Variants in SLC39A14 observed in about 807,000 individuals in gnomAD.
SLC39A14 encodes the protein metal cation symporter ZIP14.
Under a neutral mutation model 45.5 loss-of-function variants are expected in SLC39A14, and 19 were observed. The ratio of observed to expected loss-of-function variants is 0.42; its 90% CI spans 0.29 to 0.61. SLC39A14 has a LOEUF of 0.61. Among genes scored for constraint, SLC39A14 ranks in the 20% least tolerant of loss-of-function variants. The pLI is 0.22. For synonymous variants in SLC39A14, 264 were observed against 251.3 expected (o/e 1.05, Z -0.48); for missense variants, 447 against 616.5 (o/e 0.73, Z 2.91).
chr8:22,401,882 G>A (rs1834891864), intron 1 of SLC39A14, among the ~76,000 whole-genome samples: 1 of 151,828 alleles, frequency 6.6e-6, no homozygotes, highest in African/African-American at 2.4e-5. Context: ...CCACATAATT[G>A]CCCTGCTTTT....
chr8:22,401,695 C>T (rs534368919), intron 1 of SLC39A14, among the ~76,000 whole-genome samples: 172 of 151,880 alleles, frequency 1.1e-3, no homozygotes, highest in Non-Finnish European at 2.1e-3. Flanking sequence ...TTGTGTGTGC[C>T]TGGCTAATTT....
At chr8:22,394,844 G>A (rs1834293939) in intron 1 of SLC39A14, among the ~76,000 whole-genome samples, 1 of 152,150 alleles carries the variant, frequency 6.6e-6, no homozygotes, top group South Asian at 2.1e-4. Context: ...TGTGTTGGCT[G>A]GGGATCATAT....
chr8:22,426,278 C>T (rs1586761993), downstream of SLC39A14, among the ~76,000 whole-genome samples: 1 of 152,130 alleles, frequency 6.6e-6, no homozygotes, highest in South Asian at 2.1e-4. Context: ...TCGCTGCAGC[C>T]TCAATCTCCT....
chr8:22,432,818 G>GTT (rs71206520), intron 8 of SLC39A14, among the ~76,000 whole-genome samples: 9 of 74,950 alleles, frequency 1.2e-4, no homozygotes, highest in Admixed American at 9.3e-4. Flanking sequence ...CGGCTATTTT[G>GTT]TTTTTTTTTT....
chr8:22,406,420 G>A (rs545608293), intron 2 of SLC39A14, among the ~76,000 whole-genome samples: 19 of 151,508 alleles, frequency 1.3e-4, no homozygotes, highest in East Asian at 5.9e-4. Context: ...GGGGCCGGGC[G>A]CGGTGGCTGA....
chr8:22,411,985 T>C lies in SLC39A14; in HGVS notation c.458-52T>C, dbSNP rs1490451046. 3.3e-6 allele frequency: 5 copies of C among 1,499,046 alleles called. No homozygotes were observed. In the African/African-American group the frequency reaches 4.2e-5, roughly 12 times the overall value. The allele number at this position is 1,499,046 out of a possible 1,614,324, so 92.9% of individuals were successfully genotyped here. A position where few individuals can be genotyped will look rare whatever the true frequency, so the allele number is the denominator to read the frequency against. The stretch of plus-strand genomic sequence containing the variant: ...ATGGTGGTTGCTGTGCAATGGGGCA[T>C]GTGCCTTCTCTCCCTGCCCTGGGTG... On this transcript the variant is annotated intron_variant, in intron 3 of 8. Transcript: ENST00000381237.
At chr8:22,411,989 CCTTCTCT>C in intron 3 of SLC39A14, 41 bp from the exon 4 acceptor site, 1 of 1,512,214 alleles carries the variant, frequency 6.6e-7, no homozygotes, top group African/African-American at 1.4e-5. Context: ...GGGGCATGTG[CCTTCTCT>C]CCCTGCCCTG....
chr8:22,404,675 A>G (rs959996018), intron 1 of SLC39A14, 21 bp from the exon 2 acceptor site: 2 of 1,598,236 alleles, frequency 1.3e-6, no homozygotes, highest in Non-Finnish European at 1.7e-6. Context: ...CCTCAGCTTC[A>G]CCTGCCTTTT....
At chr8:22,424,780 A>C (rs1836354525), downstream of SLC39A14, among the ~76,000 whole-genome samples, 1 of 152,118 alleles carries the variant, frequency 6.6e-6, no homozygotes, top group Admixed American at 6.5e-5. Flanking sequence ...TAATCCCAGC[A>C]CTTTAGGAGG....
chr8:22,386,745 T>A (rs767337666), intron 1 of SLC39A14, among the ~76,000 whole-genome samples: 2 of 152,216 alleles, frequency 1.3e-5, no homozygotes, highest in Non-Finnish European at 2.9e-5. Context: ...TCAAATTCCT[T>A]GTACTCCATC....
intron 1 of SLC39A14, among the ~76,000 whole-genome samples, chr8:22,396,940 TTTC>T (rs778545226): frequency 3.3e-5 from 5 of 152,254 alleles, no homozygotes; most frequent in South Asian, 2.1e-4. Flanking sequence ...TTAGATCTGT[TTTC>T]TTGTTTGGTT....
intron 8 of SLC39A14, among the ~76,000 whole-genome samples, chr8:22,433,351 T>C (rs1289022738): frequency 6.6e-6 from 1 of 152,046 alleles, no homozygotes; most frequent in Non-Finnish European, 1.5e-5. Context: ...TCTTGAGGTC[T>C]TTTATTTTTA....
intron 1 of SLC39A14, among the ~76,000 whole-genome samples, chr8:22,389,338 A>G (rs79887740): frequency 6.6e-6 from 1 of 152,254 alleles, no homozygotes; most frequent in African/African-American, 2.4e-5. Flanking sequence ...AAATTACCAC[A>G]CAAGACTCTG....
intron 1 of SLC39A14, among the ~76,000 whole-genome samples, chr8:22,387,412 G>C (rs1364120920): frequency 2.6e-5 from 4 of 152,178 alleles, no homozygotes; most frequent in African/African-American, 9.7e-5. Flanking sequence ...TGCTCCCTGG[G>C]GTTGGTGTTA....
intron 4 of SLC39A14, 94 bp downstream of exon 4, chr8:22,412,300 G>T: frequency 7.6e-7 from 1 of 1,317,570 alleles, no homozygotes. Flanking sequence ...GGCACCTGGA[G>T]GCCCTTTCCT....
intron 1 of SLC39A14, among the ~76,000 whole-genome samples, chr8:22,389,611 C>T (rs1036922461): frequency 1.9e-4 from 29 of 152,118 alleles, no homozygotes; most frequent in African/African-American, 5.5e-4. Flanking sequence ...AGCAGATTGA[C>T]GTGAGCAGAA....
chr8:22,377,179 G>A (rs1025708736), intron 1 of SLC39A14, among the ~76,000 whole-genome samples: 2 of 152,098 alleles, frequency 1.3e-5, no homozygotes, highest in African/African-American at 4.8e-5. Flanking sequence ...GTGGGTTAAA[G>A]TTGAATAATA....
At chr8:22,423,196 T>A (rs1836315297), downstream of SLC39A14, among the ~76,000 whole-genome samples, 1 of 152,086 alleles carries the variant, frequency 6.6e-6, no homozygotes. Context: ...CAGGCTGGAA[T>A]GCATTGGCAC....
intron 1 of SLC39A14, among the ~76,000 whole-genome samples, chr8:22,380,646 C>G (rs1242869140): frequency 6.6e-6 from 1 of 151,496 alleles, no homozygotes. Flanking sequence ...ACCCCCTGCC[C>G]AACTTATCAG....
Sources: gnomAD v4.1 joint callset for allele counts (sites outside exome capture counted in the v4.1 genomes callset) on GRCh38, gnomAD v4.1.1 for gene constraint, MANE v1.5 for transcripts, NCBI Gene and HGNC (gene_info 2026-07-23, HGNC 2026-07-21) for gene names.